Variants in USP32 observed in about 807,000 individuals in gnomAD.
The protein encoded by USP32 is ubiquitin specific peptidase 32, also known as ubiquitin carboxyl-terminal hydrolase 32.
In USP32, 59 loss-of-function variants were observed where a neutral mutation model predicts 204.8. That is an observed-to-expected ratio of 0.29 (90% CI 0.23 to 0.36). The LOEUF is 0.36. Among genes scored for constraint, USP32 ranks in the 10% least tolerant of loss-of-function variants. The pLI is 1.00. For missense variants in USP32, 1,160 were observed against 1,946.4 expected, an observed-to-expected ratio of 0.60 and a Z score of 7.60; for synonymous variants, 517 against 678.4, an observed-to-expected ratio of 0.76 and a Z score of 3.70.
intron 11 of USP32, 127 bp downstream of exon 11, chr17:60,252,254 T>C (rs2086187653): frequency 3.9e-6 from 3 of 774,892 alleles, no homozygotes; most frequent in Non-Finnish European, 6.1e-6. Flanking sequence ...AACAAAAATA[T>C]TTCAATATGT....
At chr17:60,237,212 C>A (rs945962480) in intron 11 of USP32, among the ~76,000 whole-genome samples, 2 of 151,870 alleles carry the variant, frequency 1.3e-5, no homozygotes, top group African/African-American at 4.8e-5. Flanking sequence ...GCAATCTCAG[C>A]TCGCTGAAGC....
At chr17:60,321,631 AT>A (rs1340383945) in intron 2 of USP32, among the ~76,000 whole-genome samples, 1 of 152,238 alleles carries the variant, frequency 6.6e-6, no homozygotes, top group Non-Finnish European at 1.5e-5. Context: ...GAGGGCAAAC[AT>A]TCTTGAAATG....
chr17:60,343,049 C>T (rs2088698528), intron 2 of USP32, among the ~76,000 whole-genome samples: 1 of 152,170 alleles, frequency 6.6e-6, no homozygotes, highest in African/African-American at 2.4e-5. Context: ...CCTATTCGGC[C>T]ATCTTGGGCC....
At chr17:60,225,916 T>C (rs2085371748) in intron 13 of USP32, 123 bp downstream of exon 13, 4 of 1,078,116 alleles carry the variant, frequency 3.7e-6, no homozygotes, top group Admixed American at 6.4e-5. Context: ...ATCGCGCCAC[T>C]GCGCTCCAGC....
At chr17:60,413,056 A>AT (rs2090030659) in intron 1 of USP32, among the ~76,000 whole-genome samples, 1 of 152,208 alleles carries the variant, frequency 6.6e-6, no homozygotes, top group Non-Finnish European at 1.5e-5. Flanking sequence ...GGAAAAAAAA[A>AT]GTGAAATCCA....
chr17:60,252,297 TA>T, intron 11 of USP32, 83 bp downstream of exon 11: 1 of 1,086,638 alleles, frequency 9.2e-7, no homozygotes, highest in Non-Finnish European at 1.3e-6. Context: ...ATGATTACAT[TA>T]AAATAGGACA....
chr17:60,211,338 G>A (rs1478246296), intron 20 of USP32, 38 bp downstream of exon 20: 1 of 1,591,458 alleles, frequency 6.3e-7, no homozygotes, highest in South Asian at 1.1e-5. Flanking sequence ...TTATATCAAA[G>A]TCACAGGTTA....
At position 60,391,957 on chromosome 17, in the gene USP32, G is replaced by C. The variant is rs761050329; in HGVS notation, c.-18C>G. 6.2e-7 allele frequency: 1 copy of C among 1,607,184 alleles called. No individual in the cohort carries two copies. Among genetic ancestry groups the C allele is most frequent in the Non-Finnish European group, 8.5e-7 (1 of 1,177,232 alleles). On this transcript the variant is annotated 5_prime_UTR_variant, in exon 1 of 34. Coordinates refer to ENST00000300896, the MANE Select transcript of USP32 (RefSeq NM_032582.4). The stretch of plus-strand genomic sequence containing the variant: ...GCACCCATGCTCCCCTCATCCCCTC[G>C]GCGGGGGGTCGGAGCCTGATCTCGC...
At chr17:60,259,162 G>A (rs912084867) in intron 9 of USP32, among the ~76,000 whole-genome samples, 2 of 152,080 alleles carry the variant, frequency 1.3e-5, no homozygotes, top group African/African-American at 4.8e-5. Flanking sequence ...ACATTTTATG[G>A]TAAGTAGCAG....
At chr17:60,385,166 T>A (rs1465156851) in intron 1 of USP32, among the ~76,000 whole-genome samples, 1 of 152,208 alleles carries the variant, frequency 6.6e-6, no homozygotes, top group African/African-American at 2.4e-5. Context: ...AAATTCCTTC[T>A]CCTGGCTCAG....
chr17:60,361,479 A>G (rs2089205642), intron 1 of USP32, among the ~76,000 whole-genome samples: 1 of 152,182 alleles, frequency 6.6e-6, no homozygotes, highest in South Asian at 2.1e-4. Context: ...CCCGTCATGA[A>G]AAACCATATA....
Position 60,255,258 on chromosome 17 carries a change from T to A in USP32, c.991A>T (p.Met331Leu). ...GILNAHDTTKMGHLTLEDYQI... is the reference protein window; with the variant it reads ...GILNAHDTTKLGHLTLEDYQI... The stretch of plus-strand genomic sequence containing the variant: ...TAGTCTTCCAGAGTAAGATGACCCA[T>A]CTGAAACAGAGACACTCATGTTAGG... Residue 331 changes from methionine to leucine, a missense_variant and splice_region_variant, in exon 10 of 34, where the codon ATG (methionine) becomes TTG (leucine). Transcript: ENST00000300896. The A allele has an allele frequency of 6.3e-7, 1 of 1,598,020 alleles. No homozygotes were observed. The highest frequency in any genetic ancestry group is 8.5e-7 in the Non-Finnish European group (1 of 1,173,420).
chr17:60,259,693 T>G (rs2086405556), intron 9 of USP32, among the ~76,000 whole-genome samples: 1 of 152,218 alleles, frequency 6.6e-6, no homozygotes, highest in African/African-American at 2.4e-5. Flanking sequence ...AACTGCAAGG[T>G]GGTAGGAGGT....
intron 2 of USP32, among the ~76,000 whole-genome samples, chr17:60,306,678 G>A (rs144246666): frequency 6.1e-4 from 92 of 152,016 alleles, no homozygotes; most frequent in African/African-American, 2.1e-3. Context: ...AAAAAGGAAA[G>A]GCCAGAGCAA....
intron 3 of USP32, among the ~76,000 whole-genome samples, chr17:60,300,908 G>C (rs1287096002): frequency 2.0e-5 from 3 of 152,130 alleles, no homozygotes; most frequent in Non-Finnish European, 4.4e-5. Context: ...CTGTAGATTT[G>C]CCTAATCTTG....
chr17:60,393,612 A>G (rs1300188488), upstream of USP32, among the ~76,000 whole-genome samples: 1 of 152,196 alleles, frequency 6.6e-6, no homozygotes, highest in Non-Finnish European at 1.5e-5. Flanking sequence ...AGGGCCAGGG[A>G]AAGGTTATTA....
chr17:60,211,260 A>G (rs2084960008), intron 20 of USP32, 116 bp downstream of exon 20: 11 of 1,512,208 alleles, frequency 7.3e-6, no homozygotes, highest in Non-Finnish European at 8.8e-6. Flanking sequence ...TTCATATTAA[A>G]TAGGGCAAAT....
chr17:60,415,883 A>T (rs1211957096), intron 1 of USP32, among the ~76,000 whole-genome samples: 1 of 152,092 alleles, frequency 6.6e-6, no homozygotes, highest in Admixed American at 6.6e-5. Context: ...TCTGTTGCCC[A>T]GGCTGGAGTG....
intron 18 of USP32, among the ~76,000 whole-genome samples, chr17:60,212,890 A>C (rs2085008244): frequency 6.6e-6 from 1 of 151,820 alleles, no homozygotes; most frequent in Non-Finnish European, 1.5e-5. Flanking sequence ...AGTAGCTGGG[A>C]CTACAGGCAC....
Sources: gnomAD v4.1 joint callset for allele counts (sites outside exome capture counted in the v4.1 genomes callset) on GRCh38, gnomAD v4.1.1 for gene constraint, MANE v1.5 for transcripts, NCBI Gene and HGNC (gene_info 2026-07-23, HGNC 2026-07-21) for gene names.